NRXN2: variants seen among roughly 807,000 people sequenced by gnomAD.
NRXN2 encodes neurexin 2.
Under a neutral mutation model 128.8 loss-of-function variants are expected in NRXN2, and 29 were observed. The ratio of observed to expected loss-of-function variants is 0.23; its 90% confidence interval spans 0.17 to 0.31. The LOEUF (loss-of-function observed/expected upper bound fraction) is 0.31. NRXN2 is among the 10% of genes least tolerant of loss of function. The pLI, the probability that NRXN2 is intolerant of heterozygous loss-of-function variation, is 1.00. For missense variants in NRXN2, 1,881 were observed against 2,452.6 expected (o/e 0.77, Z 4.92); for synonymous variants, 1,098 against 1,075.2 (o/e 1.02, Z -0.41).
chr11:64,660,341 C>G lies in NRXN2; in HGVS notation c.2380G>C (p.Val794Leu). 1 of 1,613,572 alleles carries G rather than the reference C, an allele frequency of 6.2e-7. No individual in the cohort carries two copies. The highest frequency in any genetic ancestry group is 1.1e-5 in the South Asian group (1 of 91,052). ...AGGGCAGGGTGGTTACCGAGGTTGA[C>G]AGTGAGCTTCATCTGCCCCCCATCC... ...ELDGGQMKLT[V>L]NLDCLRVGCA... is the part of the protein sequence containing the mutation. Residue 794 changes from valine (V) to leucine (L), a missense_variant, in exon 11 of 23, where the codon GTC (valine) becomes CTC (leucine). By Grantham distance (32) the Val-to-Leu change is conservative. Coordinates refer to ENST00000265459, the MANE Select transcript of NRXN2 (RefSeq NM_015080.4). This position sits in a 1 kb window ranked among gnomAD's most constrained non-coding sequence, Gnocchi z 5.2.
rs2135539339 is a variant in NRXN2, at chr11:64,677,019, C to T, written c.1171G>A (p.Ala391Thr). 1 of 1,610,426 alleles carries T rather than the reference C, an allele frequency of 6.2e-7. No homozygotes were observed. Among genetic ancestry groups the T allele is most frequent in the Non-Finnish European group, 8.5e-7 (1 of 1,179,176 alleles). Residue 391 changes from alanine to threonine, a missense_variant, in exon 7 of 23, where the codon GCT becomes ACT. Physicochemically the swap from Ala to Thr is moderately conservative, Grantham distance 58 (BLOSUM62 0). Coordinates refer to ENST00000265459, the MANE Select transcript of NRXN2 (RefSeq NM_015080.4). ...NLRQHAGIGH[A>T]MVNKLHYLVT... Reference sequence around the variant, plus strand: ...AGATAATGCAGTTTGTTTACCATAGCGTGTCCAATCCCTGCGTGCTTCACC... The same window carrying T: ...AGATAATGCAGTTTGTTTACCATAGTGTGTCCAATCCCTGCGTGCTTCACC...
intron 22 of NRXN2, among the ~76,000 whole-genome samples, chr11:64,618,526 C>G (rs905482903): frequency 3.9e-5 from 6 of 152,194 alleles, no homozygotes; most frequent in African/African-American, 1.4e-4. Flanking sequence ...CCACTTCCAG[C>G]AGGCCTGGGC....
Position 64,632,414 on chromosome 11 carries a change from C to T in NRXN2, c.3586-1841G>A, listed in dbSNP as rs1436899249. On this transcript the variant is annotated intron_variant, in intron 18 of 22. Transcript: ENST00000265459. This position sits in a 1 kb window ranked among gnomAD's most constrained non-coding sequence, Gnocchi z 4.2. ...CACCCATTCACCACCCACAGACTGA[C>T]AACATCCCCAGGGAGACGGGCTGAT... Among the ~76,000 whole-genome samples the T allele has an allele frequency of 6.6e-6, 1 of 152,180 alleles. No individual in the cohort carries two copies. Among genetic ancestry groups the T allele is most frequent in the Non-Finnish European group, 1.5e-5 (1 of 68,022 alleles).
chr11:64,656,515 G>A (rs2048315435), intron 11 of NRXN2, among the ~76,000 whole-genome samples: 1 of 152,212 alleles, frequency 6.6e-6, no homozygotes, highest in Non-Finnish European at 1.5e-5. Flanking sequence ...CCCACTGGTA[G>A]GGAGTGTATG....
At chr11:64,634,984 A>G (rs986700524) in intron 18 of NRXN2, among the ~76,000 whole-genome samples, 1 of 152,166 alleles carries the variant, frequency 6.6e-6, no homozygotes, top group Admixed American at 6.5e-5. Context: ...GAGGCCCTTG[A>G]CTACTTTTAG....
In NRXN2 at chr11:64,635,421, T is replaced by TC; in HGVS notation, c.3434dup (p.Ala1146SerfsTer11). On this transcript the variant is annotated frameshift_variant, in exon 18 of 23. Coordinates refer to ENST00000265459, the MANE Select transcript of NRXN2 (RefSeq NM_015080.4). LOFTEE classifies it high-confidence loss of function. This position sits in a 1 kb window ranked among gnomAD's most constrained non-coding sequence, Gnocchi z 4.8. Reference sequence around the variant, plus strand: ...GGGGCCACGTGTAGGTGATGAGCGCTCCCCCCTTCCCAAAGATGTATGTGG... The same window carrying TC: ...GGGGCCACGTGTAGGTGATGAGCGCTCCCCCCCTTCCCAAAGATGTATGTGG... The TC allele has an allele frequency of 6.2e-7, 1 of 1,613,208 alleles. No homozygotes were observed.
rs574385969 is a variant in NRXN2 at position 64,702,798 on chromosome 11, A to T, written c.731-5006T>A. Among the ~76,000 whole-genome samples, 192 of 145,526 alleles carry T rather than the reference A, an allele frequency of 1.3e-3. 2 individuals carry two copies. The highest frequency in any genetic ancestry group is 7.1e-3 in the Middle Eastern group (2 of 282). On this transcript the variant is annotated intron_variant, in intron 2 of 22. Transcript: ENST00000265459. ...CGAGAAACACCCAAGAATGATCAAT[A>T]AAAAAAAAAAATTAGAAAAAAAAAA...
At chr11:64,636,125 A>C (rs1274266742) in intron 17 of NRXN2, among the ~76,000 whole-genome samples, 2 of 130,670 alleles carry the variant, frequency 1.5e-5, no homozygotes, top group Admixed American at 7.4e-5. Flanking sequence ...GAGGGGGGAG[A>C]GGGGAGATTG....
At chr11:64,610,782 G>A (rs1440153580) in intron 22 of NRXN2, among the ~76,000 whole-genome samples, 4 of 152,190 alleles carry the variant, frequency 2.6e-5, no homozygotes, top group Admixed American at 2.0e-4. Context: ...CAGCTCTCAG[G>A]AGGGTTGGCA....
In NRXN2 at chr11:64,658,792, C is replaced by T. The variant is rs551984051; in HGVS notation, c.2389+1540G>A. Reference sequence around the variant, plus strand: ...CTGTAATCCCAGCACTTTGGGAGGCCGAGGCGGGTGGATCACGAGGCCAGG... The same window carrying T: ...CTGTAATCCCAGCACTTTGGGAGGCTGAGGCGGGTGGATCACGAGGCCAGG... On this transcript the variant is annotated intron_variant, in intron 11 of 22. Transcript: ENST00000265459. Among the ~76,000 whole-genome samples, 21 of 152,040 alleles carry T rather than the reference C, an allele frequency of 1.4e-4. No homozygotes were observed. In the East Asian group the frequency reaches 2.7e-3, roughly 20 times the overall value.
chr11:64,655,836 C>T lies in NRXN2; in HGVS notation c.2390-2114G>A, dbSNP rs187993198. On this transcript the variant is annotated intron_variant, in intron 11 of 22. Transcript: ENST00000265459. ...GAGACTGAGAGTGAGCAGGAGAAAC[C>T]CAGCCTCTTCAACATACACATTCAC... 6.6e-5 allele frequency among the ~76,000 whole-genome samples: 10 copies of T among 152,304 alleles called. No homozygotes were observed. The East Asian group carries it at 1.7e-3, about 26-fold the overall frequency.
chr11:64,655,404 C>T (rs535084003), intron 11 of NRXN2, among the ~76,000 whole-genome samples: 8 of 152,104 alleles, frequency 5.3e-5, no homozygotes, highest in South Asian at 2.1e-4. Flanking sequence ...GAGGAAGGAG[C>T]GGCTGCACAG....
At chr11:64,688,508 G>A (rs1443884252) in intron 5 of NRXN2, 34 of 985,278 alleles carry the variant, frequency 3.5e-5, no homozygotes, top group Non-Finnish European at 4.1e-5. Context: ...GAGCCTGTAG[G>A]GGCGGCGGAG....
At chr11:64,653,776 AG>A in intron 11 of NRXN2, 54 bp from the exon 12 acceptor site, 1 of 1,324,238 alleles carries the variant, frequency 7.6e-7, no homozygotes, top group Non-Finnish European at 1.0e-6. Context: ...AGGTAAAACA[AG>A]TTTTTTTTTT....
At chr11:64,642,428 A>G (rs2135417124) in intron 17 of NRXN2, 2 of 1,410,632 alleles carry the variant, frequency 1.4e-6, no homozygotes, top group South Asian at 2.9e-5. Flanking sequence ...CAGAGGGGCC[A>G]GGCTCGGCGT....
rs1591551807 is a variant in NRXN2 at position 64,622,711 on chromosome 11, A to C, written c.4173+42T>G. 6.3e-7 allele frequency: 1 copy of C among 1,586,528 alleles called. No individual in the cohort carries two copies. Among genetic ancestry groups the C allele is most frequent in the Non-Finnish European group, 8.6e-7 (1 of 1,167,522 alleles). ...CTATGCAGATATCAACCCCATCCCCACCTATCCCTGCCCTAATCCACCAGC... is the reference window on the plus strand; with the variant it reads ...CTATGCAGATATCAACCCCATCCCCCCCTATCCCTGCCCTAATCCACCAGC... On this transcript the variant is annotated intron_variant, in intron 21 of 22. Transcript: ENST00000265459. This position sits in a 1 kb window ranked among gnomAD's most constrained non-coding sequence, Gnocchi z 4.3.
chr11:64,677,925 T>A (rs1318358524), intron 6 of NRXN2, among the ~76,000 whole-genome samples: 1 of 152,122 alleles, frequency 6.6e-6, no homozygotes, highest in Non-Finnish European at 1.5e-5. Context: ...AGAGTGGGCA[T>A]AACCCCTAGA....
At chr11:64,704,391 TACAC>T (rs1020337685) in intron 2 of NRXN2, among the ~76,000 whole-genome samples, 2 of 152,102 alleles carry the variant, frequency 1.3e-5, no homozygotes, top group Admixed American at 6.5e-5. Flanking sequence ...CTGGCTACTC[TACAC>T]ACACTGCCTA....
intron 19 of NRXN2, among the ~76,000 whole-genome samples, chr11:64,626,954 G>A (rs1441934578): frequency 6.6e-6 from 1 of 152,186 alleles, no homozygotes; most frequent in Admixed American, 6.5e-5. Flanking sequence ...GGGGGCGGGA[G>A]GCATCAGTGG....
Sources: allele counts gnomAD v4.1 joint callset (sites outside exome capture counted in the v4.1 genomes callset), GRCh38; gene constraint gnomAD v4.1.1; non-coding constraint Gnocchi (gnomAD v3.1); transcripts MANE v1.5; gene names NCBI Gene and HGNC (gene_info 2026-07-23, HGNC 2026-07-21).